ZNF394: variants seen among roughly 807,000 people sequenced by gnomAD.
The protein encoded by ZNF394 is zinc finger protein 394.
In ZNF394, 19 loss-of-function variants were observed where a neutral mutation model predicts 21.8. The ratio of observed to expected loss-of-function variants is 0.87; its 90% confidence interval spans 0.61 to 1.28. The LOEUF (loss-of-function observed/expected upper bound fraction) is 1.28, where lower values mean the gene tolerates loss of function less well. Ranked by LOEUF, ZNF394 falls within the 50% of genes most tolerant of loss-of-function variation. The probability of loss-of-function intolerance (pLI) is 0.00; values close to 1 mark genes in which losing one functional copy is unlikely to be tolerated. For synonymous variants in ZNF394, 294 were observed against 273.3 expected, an observed-to-expected ratio of 1.08 and a Z score of -0.75; for missense variants, 683 against 708.6, an observed-to-expected ratio of 0.96 and a Z score of 0.41.
At chr7:99,487,478 T>G (rs778433205) in intron 1 of ZNF394, 1 of 1,610,032 alleles carries the variant, frequency 6.2e-7, no homozygotes, top group Non-Finnish European at 8.5e-7. Flanking sequence ...AAAGGACAGA[T>G]ATCCACATGA....
chr7:99,497,087 CGTGTGT>C (rs201206255), intron 2 of ZNF394, among the ~76,000 whole-genome samples: 12,992 of 94,510 alleles, frequency 0.14, 1,293 homozygotes, highest in East Asian at 0.42. Context: ...TACATACATA[CGTGTGT>C]GTGTGTGTGT....
chr7:99,493,994 T>C lies in ZNF394; in HGVS notation c.1221A>G (p.Thr407=), dbSNP rs549168586. 4 of 1,614,082 alleles carry C rather than the reference T, an allele frequency of 2.5e-6. No homozygotes were observed. The highest frequency in any genetic ancestry group is 1.7e-5 in the Admixed American group (1 of 60,004). Residue 407 remains threonine (T), a synonymous_variant, in exon 3 of 3, where the codon ACA becomes ACG. Transcript: ENST00000337673. ...AGGTGTACGGCTTCTCGCCTGTGTG[T>C]GTCCTCTGGTGCTTGGTCAGGGCAG... ...QSAALTKHQR[T]HTGEKPYTCL... is the part of the protein sequence containing the mutation.
At chr7:99,497,362 A>G (rs1164077166) in intron 2 of ZNF394, among the ~76,000 whole-genome samples, 1 of 150,414 alleles carries the variant, frequency 6.6e-6, no homozygotes, top group Non-Finnish European at 1.5e-5. Context: ...TGTATTTTTT[A>G]GTAGAGACAG....
rs758768441 is a variant in ZNF394, at chr7:99,499,923, C to G, written c.171G>C (p.Ser57=). 1.4e-5 allele frequency: 23 copies of G among 1,613,978 alleles called. No individual in the cohort carries two copies. The highest frequency in any genetic ancestry group is 1.9e-5 in the Non-Finnish European group (22 of 1,180,046). Residue 57 remains serine, a synonymous_variant, in exon 1 of 3, where the codon TCG becomes TCC. Transcript: ENST00000337673. ...GSWEPNYPAA[S]PDPETSRLHF... The stretch of plus-strand genomic sequence containing the variant: ...GCAGTCGAGAAGTTTCGGGGTCCGG[C>G]GAAGCCGCGGGATAGTTGGGCTCCC...
At chr7:99,493,020 T>C (rs2151080208), downstream of ZNF394, among the ~76,000 whole-genome samples, 1 of 152,260 alleles carries the variant, frequency 6.6e-6, no homozygotes, top group South Asian at 2.1e-4. Flanking sequence ...GCCTGGCTCT[T>C]ATCATCAGAA....
At chr7:99,487,001 AGT>A in intron 1 of ZNF394, 3 of 1,614,156 alleles carry the variant, frequency 1.9e-6, no homozygotes, top group Non-Finnish European at 2.5e-6. Context: ...GACTGTGGAA[AGT>A]GTTTTCGGCA....
Position 99,500,164 on chromosome 7 carries a change from C to T in ZNF394, c.-71G>A. The T allele has an allele frequency of 1.4e-6, 2 of 1,455,668 alleles. No individual in the cohort carries two copies. The highest frequency in any genetic ancestry group is 1.4e-5 in the African/African-American group (1 of 70,700). The allele number at this position is 1,455,668 out of a possible 1,614,324, so 90.2% of individuals were successfully genotyped here. ...GAAGAAAGAGCAAACCCAAGGAACT[C>T]ATCAGCCGTCAACACCCTCCGGTCC... On this transcript the variant is annotated 5_prime_UTR_variant, in exon 1 of 3. An upstream start codon of the reference 5' UTR is lost. Transcript: ENST00000337673.
At chr7:99,496,673 C>T (rs944505692) in intron 2 of ZNF394, among the ~76,000 whole-genome samples, 9 of 152,140 alleles carry the variant, frequency 5.9e-5, no homozygotes, top group Non-Finnish European at 1.0e-4. Flanking sequence ...CTCGGCCTCC[C>T]AAAGTGCTGA....
downstream of ZNF394, among the ~76,000 whole-genome samples, chr7:99,492,507 T>C (rs990390362): frequency 6.6e-6 from 1 of 151,406 alleles, no homozygotes; most frequent in African/African-American, 2.4e-5. Flanking sequence ...GGGCATGGCA[T>C]GGTGCACCTG....
rs776357193 is a variant in ZNF394 at position 99,500,135 on chromosome 7, A to G, written c.-42T>C. The G allele has an allele frequency of 6.6e-7, 1 of 1,505,234 alleles. No individual in the cohort carries two copies. Among genetic ancestry groups the G allele is most frequent in the African/African-American group, 1.4e-5 (1 of 71,792 alleles). 93.2% of individuals were successfully genotyped at this position (1,505,234 alleles called of 1,614,324 possible). On this transcript the variant is annotated 5_prime_UTR_variant, in exon 1 of 3. Transcript: ENST00000337673. ...CTGCCCTTCCTGGAGTCTTCTTTTCAGGTGAAGAAAGAGCAAACCCAAGGA... is the reference window on the plus strand; with the variant it reads ...CTGCCCTTCCTGGAGTCTTCTTTTCGGGTGAAGAAAGAGCAAACCCAAGGA...
At chr7:99,489,632 C>T (rs1584580963), downstream of ZNF394, among the ~76,000 whole-genome samples, 1 of 152,130 alleles carries the variant, frequency 6.6e-6, no homozygotes, top group Non-Finnish European at 1.5e-5. Flanking sequence ...GTGTTGCAAC[C>T]TCTCCCCAAC....
intron 2 of ZNF394, among the ~76,000 whole-genome samples, chr7:99,494,956 A>T (rs999464653): frequency 1.7e-4 from 26 of 151,908 alleles, no homozygotes; most frequent in Non-Finnish European, 7.4e-5. Context: ...GATGGTCTCT[A>T]TCTCTTGACC....
Position 99,500,215 on chromosome 7 carries a change from G to GC in ZNF394, c.-123dup. 4.4e-6 allele frequency: 4 copies of GC among 914,504 alleles called. No homozygotes were observed. Among genetic ancestry groups the GC allele is most frequent in the South Asian group, 1.8e-5 (1 of 55,734 alleles). 56.6% of individuals were successfully genotyped at this position (914,504 alleles called of 1,614,324 possible). On this transcript the variant is annotated 5_prime_UTR_variant, in exon 1 of 3. Coordinates refer to ENST00000337673, the MANE Select transcript of ZNF394 (RefSeq NM_032164.4). ...CAAACACCGGGCCCCACCACACCAG[G>GC]CCCCTCTCCACACTCTCCTTTCCTC...
At chr7:99,497,122 G>GTGTATATATATATATA (rs1322382800) in intron 2 of ZNF394, among the ~76,000 whole-genome samples, 3 of 79,450 alleles carry the variant, frequency 3.8e-5, no homozygotes, top group African/African-American at 7.4e-5. Flanking sequence ...GTGTGTGTGT[G>GTGTATATATATATATA]TATATATATA....
In ZNF394 at chr7:99,499,655, C is replaced by A; in HGVS notation, c.439G>T (p.Asp147Tyr). The change falls in exon 1 of 3, where the codon GAT becomes TAT. Residue 147 changes from aspartate to tyrosine, a missense_variant. Asp to Tyr is a radical substitution (Grantham distance 160, BLOSUM62 -3). This residue lies in a region of ZNF394 where 402 missense variants were observed against 373.8 expected (regional missense o/e 1.08). Coordinates refer to ENST00000337673, the MANE Select transcript of ZNF394 (RefSeq NM_032164.4). ...CTTCTCACCTGGGATGAGGTTCCAT[C>A]GAGCGCTCGCTGCAGAGCCCGCACC... ...AVVRALQRAL[D>Y]GTSSQGMVTF... is the part of the protein sequence containing the mutation. The A allele has an allele frequency of 6.3e-7, 1 of 1,598,358 alleles. No individual in the cohort carries two copies. Among genetic ancestry groups the A allele is most frequent in the Non-Finnish European group, 8.5e-7 (1 of 1,174,686 alleles).
chr7:99,498,465 G>A, intron 2 of ZNF394: 1 of 370,464 alleles, frequency 2.7e-6, no homozygotes, highest in South Asian at 3.1e-5. Context: ...GATAAACTTG[G>A]GTGGTAGACA....
intron 1 of ZNF394, chr7:99,487,633 G>A: frequency 2.2e-6 from 2 of 892,862 alleles, no homozygotes; most frequent in Middle Eastern, 3.1e-4. Flanking sequence ...AATCTGTAGT[G>A]AAGAAACGCT....
chr7:99,486,928 C>CA, exon 2 of ZNF394: 1 of 1,614,168 alleles, frequency 6.2e-7, no homozygotes, highest in Non-Finnish European at 8.5e-7. Context: ...AGCCTTCAGA[C>CA]AGCGGTCAGC....
chr7:99,499,683 G>A lies in ZNF394; in HGVS notation c.411C>T (p.Ala137=). The change falls in exon 1 of 3, where the codon GCC becomes GCT. Residue 137 remains alanine (A), a synonymous_variant. Coordinates refer to ENST00000337673, the MANE Select transcript of ZNF394 (RefSeq NM_032164.4). ...HCPESGEEAV[A]VVRALQRALD... ...GCGCTCGCTGCAGAGCCCGCACCAC[G>A]GCCACCGCCTCCTCCCCGCTCTCTG... is the stretch of plus-strand genomic sequence containing the variant. 1 of 1,610,758 alleles carries A rather than the reference G, an allele frequency of 6.2e-7. No individual in the cohort carries two copies. The highest frequency in any genetic ancestry group is 8.5e-7 in the Non-Finnish European group (1 of 1,179,356).
Sources: allele counts gnomAD v4.1 joint callset (sites outside exome capture counted in the v4.1 genomes callset), GRCh38; gene constraint gnomAD v4.1.1; regional missense constraint gnomAD v4.1.1; transcripts MANE v1.5; gene names NCBI Gene and HGNC (gene_info 2026-07-23, HGNC 2026-07-21).